The following EML6 variants were observed in gnomAD, a reference collection of about 807,000 sequenced individuals.
EML6 encodes the protein echinoderm microtubule-associated protein-like 6.
EML6 carries 154 observed loss-of-function variants against 240.1 expected under a neutral mutation model. That is an observed-to-expected ratio of 0.64 (90% CI 0.56 to 0.73). The LOEUF (loss-of-function observed/expected upper bound fraction) is 0.73. EML6 is among the 30% of genes least tolerant of loss of function. The pLI is 0.00. For synonymous variants in EML6, 1,148 were observed against 899.0 expected (o/e 1.28, Z -4.95); for missense variants, 2,964 against 2,474.6 (o/e 1.20, Z -4.20).
intron 18 of EML6, among the ~76,000 whole-genome samples, chr2:54,892,019 C>G (rs1672495094): frequency 6.6e-6 from 1 of 152,124 alleles, no homozygotes; most frequent in Non-Finnish European, 1.5e-5. Flanking sequence ...ACAGTCAGTA[C>G]TATTTTTATC....
At chr2:54,957,121 C>G (rs1676268099) in intron 32 of EML6, among the ~76,000 whole-genome samples, 1 of 152,040 alleles carries the variant, frequency 6.6e-6, no homozygotes, top group Non-Finnish European at 1.5e-5. Context: ...TTAGCCCCAT[C>G]TTACAGGTAA....
intron 2 of EML6, among the ~76,000 whole-genome samples, chr2:54,769,193 T>C (rs941886247): frequency 2.0e-5 from 3 of 152,232 alleles, no homozygotes; most frequent in Non-Finnish European, 2.9e-5. Flanking sequence ...TGGTGGGTTG[T>C]CTGGAAGCTT....
chr2:54,969,362 C>T (rs942465693), intron 41 of EML6, among the ~76,000 whole-genome samples: 2 of 152,134 alleles, frequency 1.3e-5, no homozygotes, highest in Non-Finnish European at 1.5e-5. Context: ...TCCTGGTGGT[C>T]TGAGTTAGGT....
intron 17 of EML6, among the ~76,000 whole-genome samples, chr2:54,883,128 G>A (rs796117862): frequency 6.6e-5 from 10 of 152,064 alleles, no homozygotes; most frequent in African/African-American, 2.4e-4. Context: ...GCAGGGAAAA[G>A]CACTTAATAA....
chr2:54,788,105 G>C (rs1669184680), intron 2 of EML6, among the ~76,000 whole-genome samples: 1 of 152,132 alleles, frequency 6.6e-6, no homozygotes, highest in South Asian at 2.1e-4. Flanking sequence ...GCCAACCACT[G>C]CCCTGTGGAA....
intron 8 of EML6, among the ~76,000 whole-genome samples, chr2:54,844,490 T>C (rs1669644257): frequency 1.3e-5 from 2 of 152,226 alleles, no homozygotes; most frequent in African/African-American, 4.8e-5. Flanking sequence ...CTGGTGATGC[T>C]GGCTTCCAGA....
chr2:54,838,113 G>A (rs1214866153), intron 7 of EML6, among the ~76,000 whole-genome samples: 2 of 152,140 alleles, frequency 1.3e-5, no homozygotes, highest in African/African-American at 2.4e-5. Flanking sequence ...AATGACAAAA[G>A]CTAAGTTGTA....
chr2:54,836,177 AGT>A (rs1330563850), intron 7 of EML6, among the ~76,000 whole-genome samples: 2 of 152,132 alleles, frequency 1.3e-5, no homozygotes, highest in Non-Finnish European at 2.9e-5. Context: ...TGTGTGCGCA[AGT>A]TCCGTGTGTG....
chr2:54,832,799 C>T (rs1436684059), intron 7 of EML6, among the ~76,000 whole-genome samples: 1 of 152,160 alleles, frequency 6.6e-6, no homozygotes, highest in African/African-American at 2.4e-5. Context: ...TCTGCTCCAC[C>T]TCTCTTTGCC....
intron 26 of EML6, among the ~76,000 whole-genome samples, chr2:54,923,558 A>G (rs879450784): frequency 6.6e-6 from 1 of 152,234 alleles, no homozygotes; most frequent in Non-Finnish European, 1.5e-5. Flanking sequence ...AGTAAATTTT[A>G]GACATCAAGA....
chr2:54,778,518 C>G (rs1465357391), intron 2 of EML6, among the ~76,000 whole-genome samples: 1 of 152,180 alleles, frequency 6.6e-6, no homozygotes, highest in Non-Finnish European at 1.5e-5. Flanking sequence ...GTGCGAGATG[C>G]TGACACCATG....
At chr2:54,883,109 G>C (rs574517917) in intron 17 of EML6, among the ~76,000 whole-genome samples, 1 of 151,546 alleles carries the variant, frequency 6.6e-6, no homozygotes, top group Non-Finnish European at 1.5e-5. Context: ...GATCATTATA[G>C]AAAAATTAGC....
chr2:54,968,188 CTGCGCAT>C lies in EML6; in HGVS notation c.5659_5665del (p.Cys1887ValfsTer2). 6.4e-7 allele frequency: 1 copy of C among 1,551,676 alleles called. No homozygotes were observed. The highest frequency in any genetic ancestry group is 8.7e-7 in the Non-Finnish European group (1 of 1,146,964). On this transcript the variant is annotated frameshift_variant, in exon 40 of 42. Transcript: ENST00000356458. LOFTEE classifies it high-confidence loss of function. ...GAAATGCAGACAAGGCTGATGTCAA[CTGCGCAT>C]GTGTGACCCACGCTGGCCTGAACAT...
intron 2 of EML6, among the ~76,000 whole-genome samples, chr2:54,760,459 C>A (rs6712532): frequency 0.044 from 6,627 of 152,126 alleles, 473 homozygotes; most frequent in African/African-American, 0.15. Flanking sequence ...TGAATCCTTG[C>A]ACACATGGGA....
In EML6 at chr2:54,866,828, C is replaced by G. The variant is rs372467312; in HGVS notation, c.1995C>G (p.Pro665=). The G allele has an allele frequency of 2.2e-4, 341 of 1,551,294 alleles. 3 individuals are homozygous for G. The highest frequency in any genetic ancestry group is 5.3e-4 in the African/African-American group (39 of 73,160). ...QQSKEKNHAV[P]FLKREKAPED... is the part of the protein sequence containing the mutation. ...GTAAAGAGAAAAACCACGCAGTGCC[C>G]TTCCTCAAACGAGAAAAGGCTCCTG... The change falls in exon 14 of 42, where the codon CCC becomes CCG. Residue 665 remains proline (P), a synonymous_variant. Transcript: ENST00000356458.
intron 2 of EML6, among the ~76,000 whole-genome samples, chr2:54,733,027 C>G (rs772133659): frequency 2.4e-4 from 36 of 152,146 alleles, no homozygotes; most frequent in Non-Finnish European, 1.3e-4. Context: ...TCAGTTCATT[C>G]CTTTCTTCCC....
At chr2:54,748,929 A>C (rs926961756) in intron 2 of EML6, among the ~76,000 whole-genome samples, 1 of 152,146 alleles carries the variant, frequency 6.6e-6, no homozygotes, top group Non-Finnish European at 1.5e-5. Flanking sequence ...ATATCGATGG[A>C]CATTTAGATT....
At chr2:54,825,120 G>C (rs187064235) in intron 5 of EML6, among the ~76,000 whole-genome samples, 1 of 152,238 alleles carries the variant, frequency 6.6e-6, no homozygotes, top group Admixed American at 6.5e-5. Flanking sequence ...TTTTGTGACT[G>C]TCTGTCTGGA....
At chr2:54,791,088 T>A (rs1180544626) in intron 2 of EML6, among the ~76,000 whole-genome samples, 2 of 152,206 alleles carry the variant, frequency 1.3e-5, no homozygotes, top group Non-Finnish European at 2.9e-5. Flanking sequence ...ATTATCACCA[T>A]TCAGCATTTC....
Sources: allele counts gnomAD v4.1 joint callset (sites outside exome capture counted in the v4.1 genomes callset), GRCh38; gene constraint gnomAD v4.1.1; transcripts MANE v1.5; gene names NCBI Gene and HGNC (gene_info 2026-07-23, HGNC 2026-07-21).